POLA1: variants seen among roughly 807,000 people sequenced by gnomAD.
The protein encoded by POLA1 is DNA polymerase alpha catalytic subunit.
A neutral mutation model predicts 124.0 loss-of-function variants in POLA1; 15 were observed. The observed-to-expected ratio is 0.12, with a 90% CI of 0.08 to 0.19. POLA1 has a LOEUF of 0.19. POLA1 is among the 10% of genes least tolerant of loss of function. The pLI is 1.00. For missense variants in POLA1, 886 were observed against 1,103.4 expected (o/e 0.80, Z 2.79); for synonymous variants, 408 against 389.4 (o/e 1.05, Z -0.56).
At chrX:24,753,699 A>C (rs1412756348) in intron 26 of POLA1, among the ~76,000 whole-genome samples, 2 of 111,960 alleles carry the variant, frequency 1.8e-5, no homozygotes, top group Non-Finnish European at 3.8e-5. Context: ...AAGTATACTC[A>C]TTGCATAACT....
At chrX:24,808,721 A>G (rs972007312) in intron 26 of POLA1, among the ~76,000 whole-genome samples, 2 of 111,634 alleles carry the variant, frequency 1.8e-5, no homozygotes, top group African/African-American at 6.5e-5. Flanking sequence ...TAAAAAATGG[A>G]AAGTAATGGG....
chrX:24,744,909 G>A (rs1403539869), intron 23 of POLA1, among the ~76,000 whole-genome samples: 2 of 100,981 alleles, frequency 2.0e-5, no homozygotes, highest in Non-Finnish European at 2.0e-5. Flanking sequence ...CTGAGATTGC[G>A]CCATGGCACT....
chrX:24,814,709 A>G (rs1008884546), intron 29 of POLA1, among the ~76,000 whole-genome samples: 1 of 112,045 alleles, frequency 8.9e-6, no homozygotes, highest in African/African-American at 3.2e-5. Context: ...TTCACATTTT[A>G]TATAAAATAT....
intron 33 of POLA1, among the ~76,000 whole-genome samples, chrX:24,842,144 A>G (rs749041727): frequency 1.8e-5 from 2 of 111,696 alleles, no homozygotes; most frequent in Non-Finnish European, 3.8e-5. Flanking sequence ...AGTAACCTGT[A>G]TTGTCCCACT....
In POLA1 at chrX:24,812,981, T is replaced by C. The variant is rs748275388; in HGVS notation, c.3296+118T>C. On this transcript the variant is annotated intron_variant, in intron 29 of 36. Coordinates refer to ENST00000379068, the MANE Select transcript of POLA1 (RefSeq NM_001330360.2). ...AAGAACACTTCTTTGTTATTTTTATTATTCTTATTAATAAGAATTATTAAT... is the reference window on the plus strand; with the variant it reads ...AAGAACACTTCTTTGTTATTTTTATCATTCTTATTAATAAGAATTATTAAT... 52 of 385,615 alleles carry C rather than the reference T, an allele frequency of 1.3e-4. No homozygotes were observed. In the Middle Eastern group the frequency reaches 2.1e-3, roughly 15 times the overall value. 31.8% of individuals were successfully genotyped at this position (385,615 alleles called of 1,213,427 possible).
chrX:24,774,500 AC>A (rs2045098673), intron 26 of POLA1, among the ~76,000 whole-genome samples: 1 of 111,446 alleles, frequency 9.0e-6, no homozygotes, highest in Non-Finnish European at 1.9e-5. Flanking sequence ...GGTGGACTTT[AC>A]CTTTTTTGCT....
intron 26 of POLA1, among the ~76,000 whole-genome samples, chrX:24,793,581 CTT>C (rs200977117): frequency 9.1e-6 from 1 of 110,166 alleles, no homozygotes; most frequent in East Asian, 2.9e-4. Flanking sequence ...AAGAGAGTCT[CTT>C]TTTTTTGTTT....
intron 26 of POLA1, among the ~76,000 whole-genome samples, chrX:24,783,127 A>G (rs1349878693): frequency 9.1e-6 from 1 of 110,044 alleles, no homozygotes; most frequent in Non-Finnish European, 1.9e-5. Context: ...AATCCAGGTT[A>G]AAGTACTACT....
chrX:24,970,063 G>A (rs760354525), intron 36 of POLA1, among the ~76,000 whole-genome samples: 13 of 112,151 alleles, frequency 1.2e-4, no homozygotes, highest in Non-Finnish European at 2.1e-4. Flanking sequence ...TCTTTATTCA[G>A]TCTGTCATTG....
At chrX:24,698,028 A>G (rs1928139503) in intron 1 of POLA1, among the ~76,000 whole-genome samples, 3 of 107,036 alleles carry the variant, frequency 2.8e-5, no homozygotes, top group Non-Finnish European at 3.8e-5. Flanking sequence ...TGCAACCTCC[A>G]TCTCCTGGGT....
chrX:24,714,751 C>A, intron 5 of POLA1, 82 bp downstream of exon 5: 1 of 542,424 alleles, frequency 1.8e-6, no homozygotes, highest in Non-Finnish European at 3.0e-6. Context: ...AACAGGTGCT[C>A]TGTATATATT....
intron 35 of POLA1, among the ~76,000 whole-genome samples, chrX:24,927,780 C>T (rs776225307): frequency 3.7e-4 from 42 of 112,026 alleles, no homozygotes; most frequent in Non-Finnish European, 7.1e-4. Flanking sequence ...TATTTTCCAT[C>T]CAATCTTGTA....
intron 36 of POLA1, among the ~76,000 whole-genome samples, chrX:24,980,945 AC>A (rs1421752509): frequency 1.8e-5 from 2 of 111,830 alleles, no homozygotes; most frequent in African/African-American, 3.3e-5. Flanking sequence ...AAAATGAATG[AC>A]TACAATGAAC....
intron 26 of POLA1, among the ~76,000 whole-genome samples, chrX:24,784,667 G>T (rs1007458187): frequency 9.0e-6 from 1 of 110,714 alleles, no homozygotes; most frequent in East Asian, 2.8e-4. Flanking sequence ...CTGGGCAACA[G>T]AACAAAACTC....
chrX:24,982,395 G>T (rs1186231218), intron 36 of POLA1, among the ~76,000 whole-genome samples: 2 of 110,282 alleles, frequency 1.8e-5, no homozygotes, highest in Non-Finnish European at 3.8e-5. Context: ...TCAGGTGGGG[G>T]TTTTTCCCTT....
At chrX:24,995,202 G>A (rs771729308) in intron 36 of POLA1, among the ~76,000 whole-genome samples, 2 of 111,932 alleles carry the variant, frequency 1.8e-5, no homozygotes, top group Admixed American at 9.4e-5. Context: ...CAGGAGTGCC[G>A]CATACCCTGA....
chrX:24,696,723 C>T (rs1483660326), intron 1 of POLA1, among the ~76,000 whole-genome samples: 2 of 111,539 alleles, frequency 1.8e-5, no homozygotes, highest in Non-Finnish European at 3.8e-5. Flanking sequence ...AACAAGACAC[C>T]TGTCTGCTGC....
At chrX:24,740,572 C>A (rs898214770) in intron 20 of POLA1, among the ~76,000 whole-genome samples, 3 of 111,904 alleles carry the variant, frequency 2.7e-5, no homozygotes, top group Non-Finnish European at 5.6e-5. Flanking sequence ...AAACTAAAGT[C>A]CTTATTTTTA....
At chrX:24,813,335 G>A (rs1284950625) in intron 29 of POLA1, among the ~76,000 whole-genome samples, 4 of 111,184 alleles carry the variant, frequency 3.6e-5, no homozygotes, top group East Asian at 2.8e-4. Flanking sequence ...GTTCCCACCC[G>A]TATGATTTGT....
Sources: gnomAD v4.1 joint callset for allele counts (sites outside exome capture counted in the v4.1 genomes callset) on GRCh38, gnomAD v4.1.1 for gene constraint, MANE v1.5 for transcripts, NCBI Gene and HGNC (gene_info 2026-07-23, HGNC 2026-07-21) for gene names.